KCTD16: variants seen among roughly 807,000 people sequenced by gnomAD.
KCTD16 encodes the protein potassium channel tetramerization domain containing 16.
KCTD16 carries 13 observed loss-of-function variants against 33.2 expected under a neutral mutation model. The ratio of observed to expected loss-of-function variants is 0.39; its 90% CI spans 0.25 to 0.62. KCTD16 has a LOEUF of 0.62. Ranked by LOEUF, KCTD16 falls within the 20% of genes least tolerant of loss-of-function variation. KCTD16 has a pLI of 0.50. For missense variants in KCTD16, 441 were observed against 525.1 expected, an observed-to-expected ratio of 0.84 and a Z score of 1.57; for synonymous variants, 197 against 195.3, an observed-to-expected ratio of 1.01 and a Z score of -0.07.
rs1561618929 is a variant in KCTD16, at chr5:144,466,999, A to ATATATATTATATATAATATATATAACAC, written c.833-6627_833-6600dup. Among the ~76,000 whole-genome samples the ATATATATTATATATAATATATATAACAC allele has an allele frequency of 1.3e-3, 61 of 47,852 alleles. No homozygotes were observed. The East Asian group carries it at 0.05, about 39-fold the overall frequency. 31.4% of individuals were successfully genotyped at this position (47,852 alleles called of 152,430 possible). ...TAATATATATAACACTATATATATT[A>ATATATATTATATATAATATATATAACAC]TATATATTATATATAATATATATAA... On this transcript the variant is annotated intron_variant, in intron 3 of 3. Transcript: ENST00000512467.
chr5:144,356,016 T>G lies in KCTD16; in HGVS notation c.833-117644T>G, dbSNP rs552575849. ...TTCTCTGGAGCTTGTAGAACACAAT[T>G]AAGCTGAATTCTACTGAGTTTATTG... On this transcript the variant is annotated intron_variant, in intron 3 of 3. Coordinates refer to ENST00000512467, the MANE Select transcript of KCTD16 (RefSeq NM_020768.4). Among the ~76,000 whole-genome samples the G allele has an allele frequency of 4.6e-5, 7 of 152,298 alleles. No homozygotes were observed. In the South Asian group the frequency reaches 8.3e-4, roughly 18 times the overall value.
chr5:144,202,423 C>A (rs1049487040), intron 2 of KCTD16, among the ~76,000 whole-genome samples: 1 of 152,152 alleles, frequency 6.6e-6, no homozygotes, highest in Non-Finnish European at 1.5e-5. Flanking sequence ...TCCTTCAAGT[C>A]TTTTATCTTT....
At chr5:144,204,558 A>G (rs6868358) in intron 2 of KCTD16, among the ~76,000 whole-genome samples, 32,487 of 152,028 alleles carry the variant, frequency 0.21, 3,683 homozygotes, top group East Asian at 0.41. Flanking sequence ...TCCTCTTGGG[A>G]TGACTTGGGA....
chr5:144,358,727 A>G (rs992691115), intron 3 of KCTD16, among the ~76,000 whole-genome samples: 22 of 152,136 alleles, frequency 1.4e-4, no homozygotes, highest in Non-Finnish European at 2.9e-4. Context: ...GTGCCAGCAG[A>G]TTTGATGTTT....
chr5:144,377,491 A>C (rs1752119361), intron 3 of KCTD16, among the ~76,000 whole-genome samples: 1 of 152,170 alleles, frequency 6.6e-6, no homozygotes, highest in Non-Finnish European at 1.5e-5. Context: ...TACATTATAC[A>C]ATTAAAGAAA....
In KCTD16 at chr5:144,277,540, T is replaced by A. The variant is rs145368316; in HGVS notation, c.832+69994T>A. 1.8e-4 allele frequency among the ~76,000 whole-genome samples: 28 copies of A among 152,358 alleles called. No individual in the cohort carries two copies. The East Asian group carries it at 4.4e-3, about 24-fold the overall frequency. ...ATAAAATTGAGTATCAAAGAGATGG[T>A]ATATCCTGCCCAAATCACTTAGCAA... is the stretch of plus-strand genomic sequence containing the variant. On this transcript the variant is annotated intron_variant, in intron 3 of 3. Transcript: ENST00000512467.
intron 3 of KCTD16, among the ~76,000 whole-genome samples, chr5:144,427,629 C>T (rs1296772061): frequency 6.6e-6 from 1 of 152,066 alleles, no homozygotes; most frequent in Non-Finnish European, 1.5e-5. Context: ...TCACCTATGG[C>T]ATTTTAAGTA....
rs1754699864 is a variant in KCTD16, at chr5:144,481,305, A to G, written c.*7191A>G. The G allele has an allele frequency of 6.6e-6, 1 of 151,948 alleles. No individual in the cohort carries two copies. The highest frequency in any genetic ancestry group is 2.4e-5 in the African/African-American group (1 of 41,396). The allele number at this position is 151,948 out of a possible 1,614,324, so 9.4% of individuals were successfully genotyped here. On this transcript the variant is annotated 3_prime_UTR_variant, in exon 4 of 4. Transcript: ENST00000512467. ...GGGAGAAAGTGTTTTGAGCAGGCCA[A>G]TGATTTCATTGTCTGTAACTGCTTA...
chr5:144,448,936 T>C (rs925568814), intron 3 of KCTD16, among the ~76,000 whole-genome samples: 1 of 152,078 alleles, frequency 6.6e-6, no homozygotes, highest in African/African-American at 2.4e-5. Flanking sequence ...AAAAATGACA[T>C]CATAGATTCA....
chr5:144,332,560 G>A (rs1752386226), intron 3 of KCTD16, among the ~76,000 whole-genome samples: 1 of 152,140 alleles, frequency 6.6e-6, no homozygotes, highest in African/African-American at 2.4e-5. Flanking sequence ...GAAATAGAAG[G>A]ATTAATTTAA....
At chr5:144,211,622 T>G (rs1753396130) in intron 3 of KCTD16, among the ~76,000 whole-genome samples, 1 of 152,178 alleles carries the variant, frequency 6.6e-6, no homozygotes, top group African/African-American at 2.4e-5. Flanking sequence ...ATTACATATA[T>G]GCAAATATCA....
At chr5:144,468,475 T>C (rs1215831377) in intron 3 of KCTD16, among the ~76,000 whole-genome samples, 21 of 152,170 alleles carry the variant, frequency 1.4e-4, no homozygotes, top group Admixed American at 1.4e-3. Flanking sequence ...CAAGACCAAC[T>C]GCTCATGAGT....
chr5:144,268,236 C>T (rs1354206804), intron 3 of KCTD16, among the ~76,000 whole-genome samples: 2 of 152,194 alleles, frequency 1.3e-5, no homozygotes, highest in Non-Finnish European at 2.9e-5. Context: ...CTCTATCCTC[C>T]AAATGTAGAT....
chr5:144,400,664 G>C (rs1486290931), intron 3 of KCTD16, among the ~76,000 whole-genome samples: 3 of 152,094 alleles, frequency 2.0e-5, no homozygotes, highest in African/African-American at 7.2e-5. Context: ...AGCAGATAAG[G>C]TCTCTACCTA....
chr5:144,205,684 A>G (rs759928632), intron 2 of KCTD16: 3 of 397,440 alleles, frequency 7.5e-6, no homozygotes, highest in Non-Finnish European at 1.3e-5. Flanking sequence ...TTCTTTTTCC[A>G]TTTTTCTTTT....
At chr5:144,344,423 C>G (rs1386331498) in intron 3 of KCTD16, among the ~76,000 whole-genome samples, 1 of 145,742 alleles carries the variant, frequency 6.9e-6, no homozygotes, top group Non-Finnish European at 1.5e-5. Context: ...AGGCAACCTA[C>G]AAAATGGGAG....
intron 3 of KCTD16, among the ~76,000 whole-genome samples, chr5:144,353,456 G>A (rs545222181): frequency 3.4e-4 from 51 of 152,238 alleles, no homozygotes; most frequent in African/African-American, 1.2e-3. Flanking sequence ...TATAGACTCA[G>A]CCTAATTTTT....
chr5:144,214,607 C>A (rs1415418071), intron 3 of KCTD16, among the ~76,000 whole-genome samples: 2 of 152,120 alleles, frequency 1.3e-5, no homozygotes, highest in African/African-American at 4.8e-5. Context: ...TGTGTACTTG[C>A]ATGTTCATTT....
At chr5:144,288,902 GAC>G (rs1358899627) in intron 3 of KCTD16, among the ~76,000 whole-genome samples, 2 of 152,152 alleles carry the variant, frequency 1.3e-5, no homozygotes, top group Non-Finnish European at 2.9e-5. Context: ...TGTAATCCCA[GAC>G]ACTTGGGAGG....
Sources: gnomAD v4.1 joint callset for allele counts (sites outside exome capture counted in the v4.1 genomes callset) on GRCh38, gnomAD v4.1.1 for gene constraint, MANE v1.5 for transcripts, NCBI Gene and HGNC (gene_info 2026-07-23, HGNC 2026-07-21) for gene names.